Variants in SAMMSON observed in about 807,000 individuals in gnomAD.
SAMMSON encodes survival associated mitochondrial melanoma specific oncogenic non-coding RNA, also known as long intergenic non-protein coding RNA 1212.
intron 4 of SAMMSON, among the ~76,000 whole-genome samples, chr3:70,101,148 T>C (rs2067344355): frequency 6.6e-6 from 1 of 151,830 alleles, no homozygotes; most frequent in Non-Finnish European, 1.5e-5. Flanking sequence ...TAATTACAAC[T>C]GCTGTTAATG....
chr3:70,144,536 T>C (rs1337718251), intron 4 of SAMMSON, among the ~76,000 whole-genome samples: 1 of 152,176 alleles, frequency 6.6e-6, no homozygotes, highest in Admixed American at 6.6e-5. Flanking sequence ...CTGAACTTTA[T>C]CTAAAATGTC....
At chr3:70,379,747 C>A (rs1472262235) in intron 9 of SAMMSON, among the ~76,000 whole-genome samples, 1 of 151,926 alleles carries the variant, frequency 6.6e-6, no homozygotes, top group Admixed American at 6.6e-5. Context: ...CGAGTCTGGG[C>A]AACTAATTTC....
intron 3 of SAMMSON, among the ~76,000 whole-genome samples, chr3:70,067,940 G>A (rs754828570): frequency 3.6e-4 from 54 of 151,858 alleles, no homozygotes; most frequent in Admixed American, 2.0e-4. Context: ...TAACCAACAT[G>A]GAAACTGTTT....
intron 2 of SAMMSON, among the ~76,000 whole-genome samples, chr3:70,415,439 G>A (rs938705359): frequency 4.6e-5 from 7 of 152,082 alleles, no homozygotes; most frequent in Admixed American, 6.6e-5. Flanking sequence ...ACTTAATGTC[G>A]GTGCCAACCT....
At chr3:70,400,202 G>T (rs1223242648) in intron 2 of SAMMSON, among the ~76,000 whole-genome samples, 1 of 152,138 alleles carries the variant, frequency 6.6e-6, no homozygotes, top group Non-Finnish European at 1.5e-5. Context: ...AGTAGACATT[G>T]CACACAAATA....
chr3:70,145,204 C>T (rs2067543505), intron 4 of SAMMSON, among the ~76,000 whole-genome samples: 1 of 152,076 alleles, frequency 6.6e-6, no homozygotes, highest in Admixed American at 6.6e-5. Context: ...TTCAAAATTC[C>T]TGAAGCAAAA....
intron 9 of SAMMSON, among the ~76,000 whole-genome samples, chr3:70,361,801 C>T (rs1285276731): frequency 6.6e-6 from 1 of 152,156 alleles, no homozygotes; most frequent in Non-Finnish European, 1.5e-5. Context: ...CTGCAGGCAA[C>T]ATCATTCTTT....
At chr3:70,002,453 C>G (rs2066909653) in intron 1 of SAMMSON, among the ~76,000 whole-genome samples, 1 of 152,104 alleles carries the variant, frequency 6.6e-6, no homozygotes. Flanking sequence ...TTAGAAAACT[C>G]AGAGAATATA....
At chr3:70,003,719 T>G (rs58853457) in intron 1 of SAMMSON, among the ~76,000 whole-genome samples, 1 of 33,268 alleles carries the variant, frequency 3.0e-5, no homozygotes, top group Non-Finnish European at 4.9e-5. Context: ...TTTACCATAT[T>G]TTTTTTGCTC....
chr3:70,427,687 G>C (rs575024645), intron 2 of SAMMSON, among the ~76,000 whole-genome samples: 2 of 148,676 alleles, frequency 1.3e-5, no homozygotes, highest in South Asian at 2.1e-4. Flanking sequence ...GCAGTGAGTC[G>C]AGATCGCGCC....
chr3:70,163,808 C>T (rs182238000), intron 4 of SAMMSON, among the ~76,000 whole-genome samples: 2 of 152,124 alleles, frequency 1.3e-5, no homozygotes, highest in East Asian at 1.9e-4. Flanking sequence ...ATTGAAGTTA[C>T]AGTTATTCTG....
intron 4 of SAMMSON, among the ~76,000 whole-genome samples, chr3:70,246,620 G>T (rs144966957): frequency 3.3e-5 from 5 of 152,164 alleles, no homozygotes; most frequent in Admixed American, 1.3e-4. Flanking sequence ...CTTGATAACT[G>T]AAACGTATTT....
chr3:70,197,077 G>C (rs1701189038), intron 4 of SAMMSON: 2 of 398,466 alleles, frequency 5.0e-6, no homozygotes, highest in Non-Finnish European at 8.8e-6. Flanking sequence ...ATACCGGCGA[G>C]AGGGGCAGCA....
chr3:70,320,698 A>G (rs1375185818), intron 7 of SAMMSON, among the ~76,000 whole-genome samples: 1 of 152,014 alleles, frequency 6.6e-6, no homozygotes. Flanking sequence ...CTTCCCCACT[A>G]CAGACTGTGT....
intron 9 of SAMMSON, among the ~76,000 whole-genome samples, chr3:70,388,993 G>A (rs543777659): frequency 2.0e-5 from 3 of 152,158 alleles, no homozygotes; most frequent in East Asian, 3.9e-4. Context: ...TCTCAAGGGA[G>A]TGAATTAGTT....
At chr3:70,108,882 G>A (rs1045258171) in intron 4 of SAMMSON, among the ~76,000 whole-genome samples, 2 of 152,114 alleles carry the variant, frequency 1.3e-5, no homozygotes, top group African/African-American at 2.4e-5. Context: ...TCCTGGCTAT[G>A]GGTGTTTGTT....
chr3:70,185,824 A>C (rs1337518699), intron 4 of SAMMSON, among the ~76,000 whole-genome samples: 1 of 151,596 alleles, frequency 6.6e-6, no homozygotes, highest in African/African-American at 2.4e-5. Context: ...AAAAAAAAAA[A>C]AAATTAGCTG....
chr3:70,274,090 T>TGTGTGTGTGCGC lies in SAMMSON; in HGVS notation n.675-17088_675-17087insTGTGTGTGCGCG, dbSNP rs770689062. 2.8e-4 allele frequency among the ~76,000 whole-genome samples: 40 copies of TGTGTGTGTGCGC among 145,062 alleles called. No individual in the cohort carries two copies. The South Asian group carries it at 8.5e-3, about 31-fold the overall frequency. ...GTGTGTGTGTGTGTGTGTGTGTGTGTGCGCGCGCGCATGTGTGTGTGTGAG... is the reference window on the plus strand; with the variant it reads ...GTGTGTGTGTGTGTGTGTGTGTGTGTGTGTGTGTGCGCGCGCGCGCGCATGTGTGTGTGTGAG... On this transcript the variant is annotated intron_variant and non_coding_transcript_variant, in intron 6 of 9. Coordinates refer to ENST00000642114, the Ensembl canonical transcript of SAMMSON.
At chr3:70,257,566 A>G (rs764086273) in intron 6 of SAMMSON, among the ~76,000 whole-genome samples, 1 of 152,170 alleles carries the variant, frequency 6.6e-6, no homozygotes, top group Non-Finnish European at 1.5e-5. Flanking sequence ...TTGCAATGCC[A>G]TCAAAACCCA....
Sources: allele counts gnomAD v4.1 joint callset (sites outside exome capture counted in the v4.1 genomes callset), GRCh38; gene constraint gnomAD v4.1.1; transcripts MANE v1.5; gene names NCBI Gene and HGNC (gene_info 2026-07-23, HGNC 2026-07-21).